Variants in ROBO1 observed in about 807,000 individuals in gnomAD.
The protein encoded by ROBO1 is roundabout guidance receptor 1.
In ROBO1, 149 loss-of-function variants were observed where a neutral mutation model predicts 195.9. The observed-to-expected ratio is 0.76, with a 90% CI of 0.67 to 0.87. ROBO1 has a LOEUF of 0.87. ROBO1 is among the 40% of genes least tolerant of loss of function. The pLI, the probability that ROBO1 is intolerant of heterozygous loss-of-function variation, is 0.00. For missense variants in ROBO1, 1,933 were observed against 2,068.3 expected (o/e 0.93, Z 1.27); for synonymous variants, 816 against 733.2 (o/e 1.11, Z -1.82).
intron 1 of ROBO1, among the ~76,000 whole-genome samples, chr3:79,598,058 A>T (rs1413689505): frequency 6.6e-6 from 1 of 152,068 alleles, no homozygotes; most frequent in Non-Finnish European, 1.5e-5. Flanking sequence ...GGATACAGAA[A>T]ATTTTAAACA....
At chr3:79,665,045 G>A (rs1946436351) in intron 1 of ROBO1, among the ~76,000 whole-genome samples, 1 of 151,814 alleles carries the variant, frequency 6.6e-6, no homozygotes, top group African/African-American at 2.4e-5. Flanking sequence ...TGATGCAGTT[G>A]AATATTTTAC....
intron 1 of ROBO1, among the ~76,000 whole-genome samples, chr3:79,693,689 C>T (rs1010598778): frequency 2.6e-5 from 4 of 151,716 alleles, no homozygotes; most frequent in African/African-American, 4.8e-5. Context: ...TTTCCCCCTT[C>T]GACCTTCCAA....
At chr3:79,533,111 TG>T in intron 2 of ROBO1, 2 of 435,566 alleles carry the variant, frequency 4.6e-6, no homozygotes, top group South Asian at 3.3e-5. Context: ...GCTTGAGCCC[TG>T]GAGGGAGAAT....
chr3:78,961,371 T>G (rs923188482), intron 3 of ROBO1, among the ~76,000 whole-genome samples: 4 of 152,222 alleles, frequency 2.6e-5, no homozygotes, highest in African/African-American at 7.2e-5. Flanking sequence ...CTGACTTAGT[T>G]CTGCACAGTT....
At chr3:78,760,898 TC>T (rs2108366041) in intron 4 of ROBO1, among the ~76,000 whole-genome samples, 1 of 152,278 alleles carries the variant, frequency 6.6e-6, no homozygotes, top group African/African-American at 2.4e-5. Flanking sequence ...TGCCTCAGCC[TC>T]CCATATGTGT....
At chr3:78,837,236 G>GT (rs1559908244) in intron 4 of ROBO1, among the ~76,000 whole-genome samples, 1 of 151,998 alleles carries the variant, frequency 6.6e-6, no homozygotes. Flanking sequence ...CATTCCTAAC[G>GT]TAAGCACAAA....
intron 8 of ROBO1, among the ~76,000 whole-genome samples, chr3:78,696,125 G>GAAAAAAAAAA (rs34340807): frequency 1.8e-5 from 2 of 108,706 alleles, no homozygotes; most frequent in Non-Finnish European, 2.0e-5. Context: ...GAAAGAATCA[G>GAAAAAAAAAA]AAAAAAAAAA....
intron 4 of ROBO1, among the ~76,000 whole-genome samples, chr3:78,859,919 A>T (rs896292219): frequency 1.3e-5 from 2 of 152,134 alleles, no homozygotes; most frequent in Non-Finnish European, 2.9e-5. Flanking sequence ...CTCTACTAAA[A>T]ATACAAAAAA....
rs142494357 is a variant in ROBO1 at position 79,123,051 on chromosome 3, A to G, written c.172+2405T>C. ...ACTTGCTTGTTAACATCGTTTTGTA[A>G]CTAACTCATATCAATGACTTACGTG... On this transcript the variant is annotated intron_variant, in intron 3 of 30. Coordinates refer to ENST00000464233, the MANE Select transcript of ROBO1 (RefSeq NM_002941.4). Among the ~76,000 whole-genome samples the G allele has an allele frequency of 2.3e-3, 357 of 152,144 alleles. 2 individuals are homozygous for G. The highest frequency in any genetic ancestry group is 0.01 in the Middle Eastern group (3 of 294).
intron 2 of ROBO1, among the ~76,000 whole-genome samples, chr3:79,294,497 T>G (rs1255724842): frequency 6.6e-6 from 1 of 152,154 alleles, no homozygotes; most frequent in Admixed American, 6.5e-5. Flanking sequence ...ATAAAAATCT[T>G]AGAAGAAAAT....
intron 1 of ROBO1, among the ~76,000 whole-genome samples, chr3:79,623,151 CAACAACAACAACAAA>C (rs1945061902): frequency 2.0e-5 from 3 of 152,116 alleles, no homozygotes; most frequent in Admixed American, 2.0e-4. Flanking sequence ...ACAACAACAA[CAACAACAACAACAAA>C]ACCTTCACAA....
chr3:79,493,466 C>A (rs1939572358), intron 2 of ROBO1, among the ~76,000 whole-genome samples: 1 of 151,686 alleles, frequency 6.6e-6, no homozygotes, highest in Admixed American at 6.6e-5. Flanking sequence ...GTGCTAAGAC[C>A]TAAGGATATC....
chr3:79,587,951 A>C (rs1943879902), intron 2 of ROBO1, among the ~76,000 whole-genome samples: 1 of 151,698 alleles, frequency 6.6e-6, no homozygotes, highest in Non-Finnish European at 1.5e-5. Context: ...ATTACTTTGA[A>C]ATGTTTCTTG....
chr3:79,329,746 GAAT>G (rs2034356641), intron 2 of ROBO1, among the ~76,000 whole-genome samples: 1 of 152,118 alleles, frequency 6.6e-6, no homozygotes, highest in African/African-American at 2.4e-5. Context: ...AAGTGAGATA[GAAT>G]AATACAAATT....
At chr3:78,735,291 A>G (rs1256648615) in intron 5 of ROBO1, among the ~76,000 whole-genome samples, 1 of 152,158 alleles carries the variant, frequency 6.6e-6, no homozygotes, top group Admixed American at 6.6e-5. Context: ...ACTTTTGACT[A>G]CTGTGGTTTG....
At chr3:79,689,006 G>A (rs1341212104) in intron 1 of ROBO1, among the ~76,000 whole-genome samples, 2 of 151,688 alleles carry the variant, frequency 1.3e-5, no homozygotes, top group Non-Finnish European at 2.9e-5. Flanking sequence ...TTTTTTCTCA[G>A]CTAGCTATTC....
intron 2 of ROBO1, among the ~76,000 whole-genome samples, chr3:79,406,013 A>AT (rs1468859353): frequency 2.6e-5 from 4 of 152,064 alleles, no homozygotes; most frequent in Admixed American, 6.6e-5. Context: ...AATGGTAGTT[A>AT]TTTTTTCATC....
chr3:79,715,347 G>A (rs1399181256), intron 1 of ROBO1, among the ~76,000 whole-genome samples: 2 of 152,052 alleles, frequency 1.3e-5, no homozygotes, highest in Non-Finnish European at 2.9e-5. Context: ...AAACCTCATT[G>A]TTTTAAGAAA....
At chr3:79,595,323 T>A (rs952779122) in intron 1 of ROBO1, among the ~76,000 whole-genome samples, 11 of 152,038 alleles carry the variant, frequency 7.2e-5, no homozygotes, top group African/African-American at 2.7e-4. Context: ...TAATTTAGGT[T>A]AATGCATATT....
Sources: allele counts gnomAD v4.1 joint callset (sites outside exome capture counted in the v4.1 genomes callset), GRCh38; gene constraint gnomAD v4.1.1; transcripts MANE v1.5; gene names NCBI Gene and HGNC (gene_info 2026-07-23, HGNC 2026-07-21).